Variants in VIPR2 observed in about 807,000 individuals in gnomAD.
VIPR2 encodes vasoactive intestinal peptide receptor 2, also known as vasoactive intestinal polypeptide receptor 2.
Under a neutral mutation model 58.0 loss-of-function variants are expected in VIPR2, and 48 were observed. That is an observed-to-expected ratio of 0.83 (90% CI 0.66 to 1.05). The LOEUF is 1.05. Among genes scored for constraint, VIPR2 ranks in the 50% least tolerant of loss-of-function variants. The pLI is 0.00. For synonymous variants in VIPR2, 243 were observed against 235.2 expected, an observed-to-expected ratio of 1.03 and a Z score of -0.30; for missense variants, 534 against 558.0, an observed-to-expected ratio of 0.96 and a Z score of 0.43.
intron 4 of VIPR2, among the ~76,000 whole-genome samples, chr7:159,089,602 C>T (rs1857348454): frequency 6.6e-6 from 1 of 152,250 alleles, no homozygotes; most frequent in Non-Finnish European, 1.5e-5. Context: ...ATTATTAGCA[C>T]ATGCTAGATG....
chr7:159,106,697 G>T (rs1295425767), intron 3 of VIPR2, among the ~76,000 whole-genome samples: 1 of 139,508 alleles, frequency 7.2e-6, no homozygotes, highest in Non-Finnish European at 1.5e-5. Flanking sequence ...AGAGAGGCCA[G>T]GGAGGGGCAG....
In VIPR2 at chr7:159,109,894, G is replaced by T; in HGVS notation, c.177C>A (p.Ile59=). The change falls in exon 3 of 13, where the codon ATC becomes ATA. Residue 59 remains isoleucine (I), a synonymous_variant. Coordinates refer to ENST00000262178, the MANE Select transcript of VIPR2 (RefSeq NM_003382.5). ...HKACSGVWDN[I]TCWRPANVGE... The stretch of plus-strand genomic sequence containing the variant: ...CCACATTGGCAGGCCGCCAGCACGT[G>T]ATGTTGTCCCAGACGCCACTGCAGG... 1 of 1,613,938 alleles carries T rather than the reference G, an allele frequency of 6.2e-7. No individual in the cohort carries two copies. Among genetic ancestry groups the T allele is most frequent in the Non-Finnish European group, 8.5e-7 (1 of 1,180,032 alleles).
rs939592692 is a variant in VIPR2 at position 159,030,684 on chromosome 7, C to G, written c.1249G>C (p.Gly417Arg). Residue 417 changes from glycine to arginine, a missense_variant, in exon 13 of 13, where the codon GGC becomes CGC. Physicochemically the swap from Gly to Arg is moderately radical, Grantham distance 125 (BLOSUM62 -2). Coordinates refer to ENST00000262178, the MANE Select transcript of VIPR2 (RefSeq NM_003382.5). Reference protein sequence around the residue: ...GSSFSRNGSEGALQFHRGSRA... With the variant: ...GSSFSRNGSERALQFHRGSRA... ...GAGCCGCGGTGGAACTGCAGGGCGC[C>G]CTCCGAGCCGTTGCGGGAGAAGGAG... 10 of 1,573,148 alleles carry G rather than the reference C, an allele frequency of 6.4e-6. No individual in the cohort carries two copies. In the African/African-American group the frequency reaches 1.2e-4, roughly 19 times the overall value.
chr7:159,082,651 T>C (rs1436275352), intron 4 of VIPR2, among the ~76,000 whole-genome samples: 1 of 152,244 alleles, frequency 6.6e-6, no homozygotes, highest in African/African-American at 2.4e-5. Flanking sequence ...GAGAGCAGCA[T>C]TCTGAATTCA....
intron 2 of VIPR2, chr7:159,117,136 C>T: frequency 1.7e-6 from 1 of 592,502 alleles, no homozygotes; most frequent in Non-Finnish European, 3.0e-6. Flanking sequence ...GGGGAGGAAA[C>T]ACACTCTGAC....
rs1016405081 is a variant in VIPR2 at position 159,096,827 on chromosome 7, C to T, written c.357+6930G>A. 1.2e-5 allele frequency: 17 copies of T among 1,470,336 alleles called. No homozygotes were observed. The highest frequency in any genetic ancestry group is 8.4e-5 in the African/African-American group (6 of 71,014). 91.1% of individuals were successfully genotyped at this position (1,470,336 alleles called of 1,614,324 possible). ...GCAGCCACAGGCCCAGCTCTTGTCC[C>T]GGCCCACCTCGGGATGCTTCCGCCG... On this transcript the variant is annotated intron_variant, in intron 4 of 12. Coordinates refer to ENST00000262178, the MANE Select transcript of VIPR2 (RefSeq NM_003382.5). The surrounding 1 kb of genome is among the most constrained non-coding windows in gnomAD (Gnocchi z 5.5).
chr7:159,133,332 C>T (rs1368850735), intron 2 of VIPR2, among the ~76,000 whole-genome samples: 3 of 152,310 alleles, frequency 2.0e-5, no homozygotes, highest in Non-Finnish European at 4.4e-5. Context: ...GGACAACAGG[C>T]AACTATGCCC....
At chr7:159,034,716 G>T in intron 8 of VIPR2, 66 bp from the exon 9 acceptor site, 1 of 1,380,378 alleles carries the variant, frequency 7.2e-7, no homozygotes, top group Non-Finnish European at 1.0e-6. Flanking sequence ...ACAGAAGAAT[G>T]AGCGCCTGCC....
At position 159,031,107 on chromosome 7, in the gene VIPR2, C is replaced by A. The variant is rs528557594; in HGVS notation, c.1144-318G>T. On this transcript the variant is annotated intron_variant, in intron 12 of 12. Coordinates refer to ENST00000262178, the MANE Select transcript of VIPR2 (RefSeq NM_003382.5). The surrounding 1 kb of genome is among the most constrained non-coding windows in gnomAD (Gnocchi z 4.0). ...TCTCTGAAAAGATTTTCCTTAGCAG[C>A]CGGGGTTGTGACGGTGCTGGGCCTC... is the stretch of plus-strand genomic sequence containing the variant. Among the ~76,000 whole-genome samples the A allele has an allele frequency of 6.6e-5, 10 of 152,256 alleles. No homozygotes were observed. The highest frequency in any genetic ancestry group is 2.1e-4 in the South Asian group (1 of 4,816).
chr7:159,130,098 C>G (rs1369326952), intron 2 of VIPR2, among the ~76,000 whole-genome samples: 3 of 152,236 alleles, frequency 2.0e-5, no homozygotes. Context: ...CTTGAAACTA[C>G]CTTCACAAAA....
intron 2 of VIPR2, among the ~76,000 whole-genome samples, chr7:159,134,871 A>T (rs1797135591): frequency 6.6e-6 from 1 of 151,836 alleles, no homozygotes; most frequent in Admixed American, 6.6e-5. Context: ...GTTAGCCAGG[A>T]TGGTCTTGAT....
At chr7:159,130,160 C>T (rs901927929) in intron 2 of VIPR2, among the ~76,000 whole-genome samples, 1 of 152,218 alleles carries the variant, frequency 6.6e-6, no homozygotes, top group African/African-American at 2.4e-5. Flanking sequence ...TTTAACCATA[C>T]CCCATCTTGA....
chr7:159,134,760 C>T (rs1797126859), intron 2 of VIPR2, among the ~76,000 whole-genome samples: 1 of 151,974 alleles, frequency 6.6e-6, no homozygotes, highest in African/African-American at 2.4e-5. Flanking sequence ...TGGGTTCACG[C>T]CATTCTCCCG....
At chr7:159,144,104 G>A (rs1337383926) in intron 1 of VIPR2, among the ~76,000 whole-genome samples, 3 of 152,130 alleles carry the variant, frequency 2.0e-5, no homozygotes, top group African/African-American at 7.2e-5. Flanking sequence ...CAAGGCTCGG[G>A]TTTTTTTCTT....
intron 2 of VIPR2, among the ~76,000 whole-genome samples, chr7:159,111,816 G>A (rs936478703): frequency 3.3e-5 from 5 of 152,098 alleles, no homozygotes; most frequent in East Asian, 1.9e-4. Context: ...CAAGACCAGC[G>A]TGGGCAACAT....
intron 10 of VIPR2, among the ~76,000 whole-genome samples, chr7:159,032,359 G>C (rs1347398217): frequency 6.6e-6 from 1 of 152,214 alleles, no homozygotes; most frequent in Non-Finnish European, 1.5e-5. Context: ...GGCTGGCAGG[G>C]GCAAGATTCC....
chr7:159,143,301 G>C (rs1395145921), intron 1 of VIPR2, among the ~76,000 whole-genome samples: 2 of 152,222 alleles, frequency 1.3e-5, no homozygotes, highest in African/African-American at 4.8e-5. Flanking sequence ...GTCAGCACAG[G>C]CCTGCCAAGC....
intron 4 of VIPR2, among the ~76,000 whole-genome samples, chr7:159,062,359 A>C (rs909836817): frequency 6.6e-6 from 1 of 152,124 alleles, no homozygotes; most frequent in Non-Finnish European, 1.5e-5. Flanking sequence ...GGACCCTCAC[A>C]GTGAGTGTTA....
At chr7:159,037,683 G>T (rs1854061507) in intron 6 of VIPR2, among the ~76,000 whole-genome samples, 2 of 152,154 alleles carry the variant, frequency 1.3e-5, no homozygotes, top group Non-Finnish European at 2.9e-5. Flanking sequence ...CACTGGGAAA[G>T]AATTGCATTA....
Sources: gnomAD v4.1 joint callset for allele counts (sites outside exome capture counted in the v4.1 genomes callset) on GRCh38, gnomAD v4.1.1 for gene constraint, Gnocchi (gnomAD v3.1) non-coding constraint, MANE v1.5 for transcripts, NCBI Gene and HGNC (gene_info 2026-07-23, HGNC 2026-07-21) for gene names.